Variants in KDM2B observed in about 807,000 individuals in gnomAD.
KDM2B encodes lysine-specific demethylase 2B.
A neutral mutation model predicts 150.0 loss-of-function variants in KDM2B; 26 were observed. That is an observed-to-expected ratio of 0.17 (90% CI 0.13 to 0.24). KDM2B has a LOEUF of 0.24. Ranked by LOEUF, KDM2B falls within the 10% of genes least tolerant of loss-of-function variation. The pLI is 1.00. For synonymous variants in KDM2B, 734 were observed against 729.5 expected, an observed-to-expected ratio of 1.01 and a Z score of -0.10; for missense variants, 1,265 against 1,816.9, an observed-to-expected ratio of 0.70 and a Z score of 5.52.
intron 12 of KDM2B, among the ~76,000 whole-genome samples, chr12:121,474,173 C>T (rs1881081921): frequency 6.6e-6 from 1 of 152,138 alleles, no homozygotes; most frequent in Admixed American, 6.6e-5. Flanking sequence ...GGTTGTACAA[C>T]ATTGTGAACG....
intron 22 of KDM2B, among the ~76,000 whole-genome samples, chr12:121,437,690 T>C (rs1366227670): frequency 1.3e-5 from 2 of 152,204 alleles, no homozygotes; most frequent in Admixed American, 6.5e-5. Flanking sequence ...TTTTCCACGA[T>C]GGAATTCGGC....
At chr12:121,572,885 G>T (rs1891213998) in intron 4 of KDM2B, among the ~76,000 whole-genome samples, 1 of 149,972 alleles carries the variant, frequency 6.7e-6, no homozygotes, top group Admixed American at 6.7e-5. Context: ...GAGTGCAGTG[G>T]CACGATCTCG....
At chr12:121,436,318 G>A (rs113819170) in intron 22 of KDM2B, among the ~76,000 whole-genome samples, 4 of 152,170 alleles carry the variant, frequency 2.6e-5, no homozygotes, top group African/African-American at 2.4e-5. Flanking sequence ...TCAGGAGATC[G>A]AAACCATCCT....
chr12:121,455,047 C>T (rs1396423262), intron 12 of KDM2B, among the ~76,000 whole-genome samples: 1 of 152,176 alleles, frequency 6.6e-6, no homozygotes, highest in African/African-American at 2.4e-5. Context: ...AAGCCCGCAG[C>T]CTCACGTGCC....
intron 12 of KDM2B, among the ~76,000 whole-genome samples, chr12:121,492,527 C>G (rs1318826406): frequency 6.6e-6 from 1 of 151,636 alleles, no homozygotes; most frequent in African/African-American, 2.4e-5. Flanking sequence ...AGGCTAGTCT[C>G]GAACTCCTGA....
chr12:121,459,720 C>T (rs1878830505), intron 12 of KDM2B, among the ~76,000 whole-genome samples: 1 of 151,976 alleles, frequency 6.6e-6, no homozygotes, highest in Non-Finnish European at 1.5e-5. Flanking sequence ...ATCCCAGCTA[C>T]TCAGGAGGCT....
chr12:121,408,834 G>A, the KDM2B span, among the ~76,000 whole-genome samples: 1 of 152,168 alleles, frequency 6.6e-6, no homozygotes, highest in Non-Finnish European at 1.5e-5. Context: ...GTTAAGGTGG[G>A]AAATAAAAGT....
chr12:121,572,136 T>C (rs1363220891), intron 4 of KDM2B, among the ~76,000 whole-genome samples: 1 of 152,126 alleles, frequency 6.6e-6, no homozygotes, highest in East Asian at 1.9e-4. Flanking sequence ...AGTTGCAGGC[T>C]GTAGTGAGTC....
chr12:121,510,571 T>C (rs1196402302), intron 10 of KDM2B, among the ~76,000 whole-genome samples: 3 of 152,076 alleles, frequency 2.0e-5, no homozygotes, highest in South Asian at 2.1e-4. Flanking sequence ...GGCGAGTGGA[T>C]TGCTTGAGCC....
intron 11 of KDM2B, among the ~76,000 whole-genome samples, chr12:121,498,583 C>T (rs1238089825): frequency 1.3e-5 from 2 of 152,126 alleles, no homozygotes; most frequent in Non-Finnish European, 2.9e-5. Context: ...CCATGGGCCA[C>T]CAATTTGCAA....
rs1449462220 is a variant in KDM2B, at chr12:121,520,980, C to T, written c.1047+5G>A. 6.2e-7 allele frequency: 1 copy of T among 1,612,166 alleles called. No homozygotes were observed. Among genetic ancestry groups the T allele is most frequent in the Non-Finnish European group, 8.5e-7 (1 of 1,178,392 alleles). On this transcript the variant is annotated splice_donor_5th_base_variant and intron_variant, in intron 9 of 22. Transcript: ENST00000377071. The surrounding 1 kb of genome is among the most constrained non-coding windows in gnomAD (Gnocchi z 4.5). ...GCACGCGAGGACAGAAGGGAACCTC[C>T]TTACCCGCGTCCTGTCCTCGATCTC...
chr12:121,557,728 C>G (rs891786061), intron 4 of KDM2B, among the ~76,000 whole-genome samples: 1 of 152,110 alleles, frequency 6.6e-6, no homozygotes, highest in African/African-American at 2.4e-5. Context: ...CTACAGACAC[C>G]CTTAATTTTG....
chr12:121,539,812 G>A lies in KDM2B; in HGVS notation c.684-5222C>T, dbSNP rs548969032. 2.6e-5 allele frequency among the ~76,000 whole-genome samples: 4 copies of A among 151,996 alleles called. No individual in the cohort carries two copies. In the East Asian group the frequency reaches 5.8e-4, roughly 22 times the overall value. On this transcript the variant is annotated intron_variant, in intron 6 of 22. Transcript: ENST00000377071. ...TGGAGTGGAGTGGCATGATCTCAGC[G>A]CACTGCAACCTCCAACTCCCGAGTT... is the stretch of plus-strand genomic sequence containing the variant.
intron 4 of KDM2B, among the ~76,000 whole-genome samples, chr12:121,571,463 A>AT (rs1203817189): frequency 1.3e-5 from 2 of 149,664 alleles, no homozygotes; most frequent in African/African-American, 4.9e-5. Context: ...GAATTTTTGT[A>AT]TTTTTAGCAG....
intron 6 of KDM2B, among the ~76,000 whole-genome samples, chr12:121,548,460 C>T (rs376467810): frequency 6.6e-6 from 1 of 152,252 alleles, no homozygotes; most frequent in African/African-American, 2.4e-5. Context: ...TAGGTATTTC[C>T]CCATTGCTCA....
rs1289987235 is a variant in KDM2B at position 121,545,406 on chromosome 12, T to A, written c.683+3471A>T. Among the ~76,000 whole-genome samples the A allele has an allele frequency of 2.2e-4, 33 of 150,372 alleles. 1 individual carries two copies. The highest frequency in any genetic ancestry group is 8.1e-4 in the African/African-American group (33 of 40,658). ...ACGGTTTTAAAAAAAGAAAAAAAAA[T>A]GAGTGTGTGAGCCTCACTTTTTTTT... On this transcript the variant is annotated intron_variant, in intron 6 of 22. Transcript: ENST00000377071.
intron 12 of KDM2B, among the ~76,000 whole-genome samples, chr12:121,473,687 C>T (rs1555296240): frequency 1.4e-5 from 2 of 139,414 alleles, no homozygotes; most frequent in African/African-American, 5.4e-5. Context: ...CCACTGCACT[C>T]CAGCCTGGGT....
In KDM2B at chr12:121,458,708, G is replaced by A. The variant is rs563710316; in HGVS notation, c.1735-5364C>T. Among the ~76,000 whole-genome samples, 17 of 152,248 alleles carry A rather than the reference G, an allele frequency of 1.1e-4. No individual in the cohort carries two copies. The South Asian group carries it at 3.5e-3, about 32-fold the overall frequency. The stretch of plus-strand genomic sequence containing the variant: ...CCCAGCTACTTGGGAGGCTGAGGCA[G>A]GAGAATCACTTGAACCCAGTGGGTG... On this transcript the variant is annotated intron_variant, in intron 12 of 22. Transcript: ENST00000377071.
intron 12 of KDM2B, among the ~76,000 whole-genome samples, chr12:121,483,290 C>T (rs1882362520): frequency 6.7e-6 from 1 of 150,214 alleles, no homozygotes; most frequent in Non-Finnish European, 1.5e-5. Flanking sequence ...ATAAAAAAAA[C>T]ACACACCAAA....
Sources: gnomAD v4.1 joint callset for allele counts (sites outside exome capture counted in the v4.1 genomes callset) on GRCh38, gnomAD v4.1.1 for gene constraint, Gnocchi (gnomAD v3.1) non-coding constraint, MANE v1.5 for transcripts, NCBI Gene and HGNC (gene_info 2026-07-23, HGNC 2026-07-21) for gene names.